The following SCHIP1 variants were observed in gnomAD, a reference collection of about 807,000 sequenced individuals.
The protein encoded by SCHIP1 is schwannomin interacting protein 1.
In SCHIP1, 8 loss-of-function variants were observed where a neutral mutation model predicts 29.7. The ratio of observed to expected loss-of-function variants is 0.27; its 90% CI spans 0.16 to 0.49. The LOEUF is 0.49. Among genes scored for constraint, SCHIP1 ranks in the 20% least tolerant of loss-of-function variants. The pLI, the probability that SCHIP1 is intolerant of heterozygous loss-of-function variation, is 0.99. For missense variants in SCHIP1, 193 were observed against 294.6 expected, an observed-to-expected ratio of 0.66 and a Z score of 2.52; for synonymous variants, 76 against 94.9, an observed-to-expected ratio of 0.80 and a Z score of 1.16.
At chr3:159,840,870 A>G (rs1466011959) in intron 1 of SCHIP1, among the ~76,000 whole-genome samples, 2 of 152,260 alleles carry the variant, frequency 1.3e-5, no homozygotes, top group Non-Finnish European at 2.9e-5. Context: ...GTTATGAATT[A>G]AACACTTAGA....
chr3:159,604,155 T>G, the SCHIP1 span, among the ~76,000 whole-genome samples: 1 of 152,204 alleles, frequency 6.6e-6, no homozygotes, highest in Non-Finnish European at 1.5e-5. Context: ...AATGTAAATG[T>G]AACTGTGACT....
At chr3:159,361,221 T>A in the SCHIP1 span, among the ~76,000 whole-genome samples, 9 of 152,122 alleles carry the variant, frequency 5.9e-5, no homozygotes. Context: ...GATAAGAGAG[T>A]GCTACAGGAT....
the SCHIP1 span, among the ~76,000 whole-genome samples, chr3:159,432,792 A>T: frequency 2.6e-5 from 4 of 152,162 alleles, no homozygotes; most frequent in African/African-American, 9.7e-5. Context: ...CAGTGTTTGC[A>T]TTGATAATAG....
the SCHIP1 span, among the ~76,000 whole-genome samples, chr3:159,657,176 T>C: frequency 6.6e-6 from 1 of 152,134 alleles, no homozygotes; most frequent in African/African-American, 2.4e-5. Flanking sequence ...CCAGGAGAGA[T>C]GAAATCATCA....
At chr3:159,826,523 A>G in the SCHIP1 span, among the ~76,000 whole-genome samples, 2 of 152,226 alleles carry the variant, frequency 1.3e-5, no homozygotes, top group African/African-American at 4.8e-5. Flanking sequence ...ATCAGAGGCC[A>G]TGAGAAGAAA....
chr3:159,568,414 T>A, the SCHIP1 span, among the ~76,000 whole-genome samples: 4 of 152,102 alleles, frequency 2.6e-5, no homozygotes, highest in Non-Finnish European at 4.4e-5. Context: ...CTATAAAAGC[T>A]TTTTATCAAT....
At chr3:159,592,822 G>C in the SCHIP1 span, among the ~76,000 whole-genome samples, 1 of 152,150 alleles carries the variant, frequency 6.6e-6, no homozygotes, top group Non-Finnish European at 1.5e-5. Flanking sequence ...CAATAGGCCT[G>C]TGCTTGAGGG....
the SCHIP1 span, among the ~76,000 whole-genome samples, chr3:159,828,394 T>TAC: frequency 1.7e-5 from 1 of 58,428 alleles, no homozygotes; most frequent in African/African-American, 5.4e-5. Flanking sequence ...TATACATATA[T>TAC]ACGTATATAT....
chr3:159,856,596 C>T (rs920574651), intron 1 of SCHIP1, among the ~76,000 whole-genome samples: 1 of 152,190 alleles, frequency 6.6e-6, no homozygotes, highest in East Asian at 1.9e-4. Flanking sequence ...TCTGGTATTG[C>T]CTTCTGTTCC....
the SCHIP1 span, among the ~76,000 whole-genome samples, chr3:159,559,502 C>G: frequency 6.6e-6 from 1 of 152,074 alleles, no homozygotes; most frequent in Non-Finnish European, 1.5e-5. Flanking sequence ...TAACTTCCCC[C>G]GAAATACTTT....
At chr3:159,469,317 C>A in the SCHIP1 span, among the ~76,000 whole-genome samples, 1 of 151,898 alleles carries the variant, frequency 6.6e-6, no homozygotes, top group Non-Finnish European at 1.5e-5. Flanking sequence ...GAAAAAGTAA[C>A]CTGGATTGGA....
chr3:159,347,606 AAGAT>A, the SCHIP1 span, among the ~76,000 whole-genome samples: 1 of 152,192 alleles, frequency 6.6e-6, no homozygotes, highest in Non-Finnish European at 1.5e-5. Context: ...GTCTGAATAA[AAGAT>A]AGTGGCATTG....
chr3:159,853,473 T>C (rs1712922830), intron 1 of SCHIP1: 2 of 689,344 alleles, frequency 2.9e-6, no homozygotes, highest in Non-Finnish European at 5.3e-6. Flanking sequence ...GGGGGAGAGC[T>C]CTTTTGTTTA....
rs576061339 is a variant in SCHIP1 at position 159,874,531 on chromosome 3, T to C, written c.149+8250T>C. Among the ~76,000 whole-genome samples, 24 of 152,286 alleles carry C rather than the reference T, an allele frequency of 1.6e-4. No individual in the cohort carries two copies. The South Asian group carries it at 5.0e-3, about 32-fold the overall frequency. Reference sequence around the variant, plus strand: ...GGGGCACCCTAACTGGGAGCTGTTATCAACTGGACCAATAACAGTGAATCC... The same window carrying C: ...GGGGCACCCTAACTGGGAGCTGTTACCAACTGGACCAATAACAGTGAATCC... On this transcript the variant is annotated intron_variant, in intron 2 of 6. Transcript: ENST00000445224.
chr3:159,681,958 A>G, the SCHIP1 span, among the ~76,000 whole-genome samples: 1 of 152,236 alleles, frequency 6.6e-6, no homozygotes, highest in East Asian at 1.9e-4. Context: ...ATGTTAACTT[A>G]GGTTAGCTTG....
At chr3:159,377,628 T>C in the SCHIP1 span, among the ~76,000 whole-genome samples, 3 of 152,198 alleles carry the variant, frequency 2.0e-5, no homozygotes, top group African/African-American at 7.2e-5. Context: ...CAAATACTTC[T>C]CCTGGGGATT....
chr3:159,565,706 G>T, the SCHIP1 span, among the ~76,000 whole-genome samples: 1 of 152,122 alleles, frequency 6.6e-6, no homozygotes, highest in Non-Finnish European at 1.5e-5. Flanking sequence ...CATTTTGTAA[G>T]GAAAAGCTGG....
At chr3:159,359,053 G>A in the SCHIP1 span, among the ~76,000 whole-genome samples, 5 of 150,038 alleles carry the variant, frequency 3.3e-5, no homozygotes, top group African/African-American at 9.8e-5. Context: ...TCAGCCTCCC[G>A]AGTAGCTGGG....
At chr3:159,674,321 T>A in the SCHIP1 span, among the ~76,000 whole-genome samples, 1 of 152,140 alleles carries the variant, frequency 6.6e-6, no homozygotes, top group Admixed American at 6.5e-5. Flanking sequence ...GGCACCAAGC[T>A]AAGTCCCCAG....
Sources: allele counts gnomAD v4.1 joint callset (sites outside exome capture counted in the v4.1 genomes callset), GRCh38; gene constraint gnomAD v4.1.1; transcripts MANE v1.5; gene names NCBI Gene and HGNC (gene_info 2026-07-23, HGNC 2026-07-21).